Variants in CHRNE observed in about 807,000 individuals in gnomAD.
CHRNE encodes the protein acetylcholine receptor subunit epsilon.
In CHRNE, 58 loss-of-function variants were observed where a neutral mutation model predicts 56.5. That is an observed-to-expected ratio of 1.03 (90% CI 0.83 to 1.28). The LOEUF is 1.28. Among genes scored for constraint, CHRNE ranks in the 50% most tolerant of loss-of-function variants. The pLI is 0.00. For synonymous variants in CHRNE, 385 were observed against 297.9 expected (o/e 1.29, Z -3.01); for missense variants, 793 against 688.9 (o/e 1.15, Z -1.69).
intron 6 of CHRNE, 141 bp downstream of exon 6, chr17:4,901,384 A>C: frequency 1.0e-6 from 1 of 963,580 alleles, no homozygotes; most frequent in South Asian, 1.3e-5. Flanking sequence ...ACAATCGAGA[A>C]TGATTTCAGG....
At position 4,901,579 on chromosome 17, in the gene CHRNE, C is replaced by A; in HGVS notation, c.547G>T (p.Asp183Tyr). The change falls in exon 6 of 12, where the codon GAC becomes TAC. Residue 183 changes from aspartate to tyrosine, a missense_variant. Coordinates refer to ENST00000649488, the MANE Select transcript of CHRNE (RefSeq NM_000080.4). ...TTGTTGATGGTCTTGCCGTCGTTGT[C>A]TACGGCAAAAGTGAACTCCACCTCT... ...AEEVEFTFAV[D>Y]NDGKTINKID... The A allele has an allele frequency of 6.2e-7, 1 of 1,614,166 alleles. No homozygotes were observed. Among genetic ancestry groups the A allele is most frequent in the South Asian group, 1.1e-5 (1 of 91,086 alleles).
rs781710440 is a variant in CHRNE, at chr17:4,901,590, G to A, written c.536C>T (p.Thr179Ile). ...QTYNAEEVEF[T>I]FAVDNDGKTI... ...CTTGCCGTCGTTGTCTACGGCAAAAGTGAACTCCACCTCTTCGGCATTGTA... is the reference window on the plus strand; with the variant it reads ...CTTGCCGTCGTTGTCTACGGCAAAAATGAACTCCACCTCTTCGGCATTGTA... The change falls in exon 6 of 12, where the codon ACT (threonine) becomes ATT (isoleucine). Residue 179 changes from threonine (T) to isoleucine (I), a missense_variant. Coordinates refer to ENST00000649488, the MANE Select transcript of CHRNE (RefSeq NM_000080.4). 5 of 1,614,172 alleles carry A rather than the reference G, an allele frequency of 3.1e-6. No homozygotes were observed. Among genetic ancestry groups the A allele is most frequent in the Non-Finnish European group, 4.2e-6 (5 of 1,180,022 alleles).
In CHRNE at chr17:4,898,743, TG is replaced by T; in HGVS notation, c.1474del (p.Gln492SerfsTer15). 6.2e-7 allele frequency: 1 copy of T among 1,611,040 alleles called. No homozygotes were observed. On this transcript the variant is annotated frameshift_variant, in exon 12 of 12. Coordinates refer to ENST00000649488, the MANE Select transcript of CHRNE (RefSeq NM_000080.4). LOFTEE classifies it high-confidence loss of function. ...VPDLPYAPCI[Q>X]P Reference sequence around the variant, plus strand: ...AATTGAAGTCGGTGCGAGCTAAGGCTGGATACACGGCGCGTAGGGGAGATCA... The same window carrying T: ...AATTGAAGTCGGTGCGAGCTAAGGCTGATACACGGCGCGTAGGGGAGATCA...
In CHRNE at chr17:4,901,104, CGTCA is replaced by C. The variant is rs1597619440; in HGVS notation, c.684_687del (p.Asp229SerfsTer70). The C allele has an allele frequency of 1.9e-6, 3 of 1,613,436 alleles. No homozygotes were observed. The highest frequency in any genetic ancestry group is 2.7e-5 in the African/African-American group (2 of 74,910). ...CGGCGGATGATGAGCGAGTAGATGACGTCAGTCTCCCCTGGGCCGTCGGTGGCGC... is the reference window on the plus strand; with the variant it reads ...CGGCGGATGATGAGCGAGTAGATGACGTCTCCCCTGGGCCGTCGGTGGCGC... On this transcript the variant is annotated frameshift_variant, in exon 7 of 12. Transcript: ENST00000649488. LOFTEE classifies it high-confidence loss of function.
At chr17:4,901,287 T>G (rs1597619900) in intron 6 of CHRNE, 97 bp from the exon 7 acceptor site, 1 of 1,367,656 alleles carries the variant, frequency 7.3e-7, no homozygotes, top group South Asian at 1.2e-5. Flanking sequence ...TGCACCAGGG[T>G]CATGGGCCGT....
chr17:4,901,742 C>T, intron 5 of CHRNE, 117 bp from the exon 6 acceptor site: 4 of 1,269,986 alleles, frequency 3.1e-6, no homozygotes, highest in Non-Finnish European at 3.4e-6. Flanking sequence ...CCCCTTCACC[C>T]AAGCCCAGCC....
chr17:4,899,780 C>T (rs1299190856), intron 8 of CHRNE, 198 bp from the exon 9 acceptor site: 12 of 1,551,328 alleles, frequency 7.7e-6, no homozygotes, highest in Admixed American at 2.0e-5. Flanking sequence ...GGACCCCCAG[C>T]TCCCTGGACA....
chr17:4,907,708 G>A (rs938087259), upstream of CHRNE, among the ~76,000 whole-genome samples: 1 of 151,810 alleles, frequency 6.6e-6, no homozygotes, highest in Admixed American at 6.6e-5. Flanking sequence ...ACTACATCAT[G>A]TATAAACAAT....
rs1969954771 is a variant in CHRNE at position 4,900,777 on chromosome 17, G to A, written c.917+16C>T. ...CCTTCACACTGGCCACACCCCCGCG[G>A]GGGCTCCGGCTTCACCTGCCCAGGA... On this transcript the variant is annotated intron_variant, in intron 8 of 11. Transcript: ENST00000649488. The A allele has an allele frequency of 6.2e-7, 1 of 1,609,632 alleles. No individual in the cohort carries two copies. The highest frequency in any genetic ancestry group is 8.5e-7 in the Non-Finnish European group (1 of 1,177,552).
upstream of CHRNE, among the ~76,000 whole-genome samples, chr17:4,906,083 T>C (rs1970089719): frequency 6.6e-6 from 1 of 152,220 alleles, no homozygotes; most frequent in South Asian, 2.1e-4. Context: ...TCTCGTCACC[T>C]GTGCATCATT....
rs1970026760 is a variant in CHRNE, at chr17:4,902,533, A to G, written c.190-39T>C. The G allele has an allele frequency of 6.2e-7, 1 of 1,614,008 alleles. No individual in the cohort carries two copies. The highest frequency in any genetic ancestry group is 1.7e-5 in the Admixed American group (1 of 60,004). ...ATGGGGATGATTGAAGTGAGATTTC[A>G]GGGCCAGAAGTGAGCTTTAGGACAG... On this transcript the variant is annotated intron_variant, in intron 2 of 11. Coordinates refer to ENST00000649488, the MANE Select transcript of CHRNE (RefSeq NM_000080.4). This position sits in a 1 kb window ranked among gnomAD's most constrained non-coding sequence, Gnocchi z 4.0.
intron 6 of CHRNE, 152 bp from the exon 7 acceptor site, chr17:4,901,342 G>T: frequency 1.0e-6 from 1 of 976,420 alleles, no homozygotes; most frequent in Non-Finnish European, 1.6e-6. Context: ...TCTCGTTGAG[G>T]GTATGGAAAG....
chr17:4,899,947 G>C, intron 8 of CHRNE: 1 of 1,550,804 alleles, frequency 6.4e-7, no homozygotes, highest in Non-Finnish European at 8.7e-7. Context: ...TGGCCCTCCA[G>C]CCCCCGCTTC....
chr17:4,904,688 C>G (rs934865090), upstream of CHRNE, among the ~76,000 whole-genome samples: 8 of 152,204 alleles, frequency 5.3e-5, no homozygotes, highest in African/African-American at 9.7e-5. Context: ...TCAATCAACT[C>G]TATTGATCTC....
chr17:4,902,618 T>C lies in CHRNE; in HGVS notation c.189+3A>G, dbSNP rs746014829. On this transcript the variant is annotated splice_donor_region_variant and intron_variant, in intron 2 of 11. Transcript: ENST00000649488. This position sits in a 1 kb window ranked among gnomAD's most constrained non-coding sequence, Gnocchi z 4.0. ...GCTTAAGATGAGGGTGGGGGTAGCTTACCAGTGAGATGAGATTCGTCAGGG... is the reference window on the plus strand; with the variant it reads ...GCTTAAGATGAGGGTGGGGGTAGCTCACCAGTGAGATGAGATTCGTCAGGG... 1 of 1,614,052 alleles carries C rather than the reference T, an allele frequency of 6.2e-7. No individual in the cohort carries two copies. The highest frequency in any genetic ancestry group is 8.5e-7 in the Non-Finnish European group (1 of 1,180,004).
At chr17:4,907,581 A>C (rs1441872899), upstream of CHRNE, among the ~76,000 whole-genome samples, 6 of 150,452 alleles carry the variant, frequency 4.0e-5, no homozygotes, top group East Asian at 2.0e-4. Context: ...AAAAAAAAAA[A>C]AAAAAAAAAC....
chr17:4,900,328 G>A, intron 8 of CHRNE: 1 of 1,545,770 alleles, frequency 6.5e-7, no homozygotes, highest in African/African-American at 1.4e-5. Context: ...GCAGCGCTGA[G>A]CCGGGTAGCC....
intron 1 of CHRNE, among the ~76,000 whole-genome samples, chr17:4,908,099 A>C (rs1970114020): frequency 6.6e-6 from 1 of 152,162 alleles, no homozygotes; most frequent in South Asian, 2.1e-4. Flanking sequence ...TGAACCAGGC[A>C]GTCAGAGGTT....
chr17:4,906,834 C>T (rs978868699), upstream of CHRNE, among the ~76,000 whole-genome samples: 3 of 151,812 alleles, frequency 2.0e-5, no homozygotes, highest in African/African-American at 7.3e-5. Flanking sequence ...AAATGTGGTA[C>T]ATATACACAA....
Sources: gnomAD v4.1 joint callset for allele counts (sites outside exome capture counted in the v4.1 genomes callset) on GRCh38, gnomAD v4.1.1 for gene constraint, Gnocchi (gnomAD v3.1) non-coding constraint, MANE v1.5 for transcripts, NCBI Gene and HGNC (gene_info 2026-07-23, HGNC 2026-07-21) for gene names.